Variants in OTULINL observed in about 807,000 individuals in gnomAD.
The protein encoded by OTULINL is inactive ubiquitin thioesterase OTULINL.
Under a neutral mutation model 43.9 loss-of-function variants are expected in OTULINL, and 42 were observed. The observed-to-expected ratio is 0.96, with a 90% CI of 0.75 to 1.24. The LOEUF is 1.24. Among genes scored for constraint, OTULINL ranks in the 50% most tolerant of loss-of-function variants. The pLI, the probability that OTULINL is intolerant of heterozygous loss-of-function variation, is 0.00. For missense variants in OTULINL, 411 were observed against 426.4 expected, an observed-to-expected ratio of 0.96 and a Z score of 0.32; for synonymous variants, 172 against 153.6, an observed-to-expected ratio of 1.12 and a Z score of -0.88.
chr5:14,589,516 G>C (rs1273253626), intron 1 of OTULINL, among the ~76,000 whole-genome samples: 1 of 152,170 alleles, frequency 6.6e-6, no homozygotes, highest in Non-Finnish European at 1.5e-5. Context: ...GTGACCAACT[G>C]TCCCAGCTTG....
At chr5:14,601,810 G>T (rs1044036659) in intron 4 of OTULINL, among the ~76,000 whole-genome samples, 2 of 152,158 alleles carry the variant, frequency 1.3e-5, no homozygotes, top group Non-Finnish European at 1.5e-5. Context: ...ATTTTTATTG[G>T]ACCAATCTTG....
rs2126789575 is a variant in OTULINL at position 14,613,071 on chromosome 5, C to A, written c.*2757C>A. On this transcript the variant is annotated 3_prime_UTR_variant, in exon 8 of 8. Transcript: ENST00000274217. ...CCGAGTAGCCGGGATTACAGGTGCC[C>A]ACCACTACGCTCGACTAATTTTTTG... 6.6e-6 allele frequency among the ~76,000 whole-genome samples: 1 copy of A among 152,236 alleles called. No individual in the cohort carries two copies. The highest frequency in any genetic ancestry group is 1.5e-5 in the Non-Finnish European group (1 of 68,008).
intron 1 of OTULINL, among the ~76,000 whole-genome samples, chr5:14,587,007 G>T (rs1181036181): frequency 6.6e-6 from 1 of 152,192 alleles, no homozygotes; most frequent in African/African-American, 2.4e-5. Context: ...ATGGAGGTGG[G>T]CAGTGGAGCT....
chr5:14,609,470 G>A (rs568413417), intron 7 of OTULINL, among the ~76,000 whole-genome samples: 10 of 152,252 alleles, frequency 6.6e-5, no homozygotes, highest in South Asian at 4.1e-4. Context: ...CCTAGAGGGC[G>A]AACAAAATTA....
At position 14,613,592 on chromosome 5, in the gene OTULINL, G is replaced by T. The variant is rs1759618958; in HGVS notation, c.*3278G>T. ...CTCCAAAGTAAAATGATAACTATGG[G>T]TGGCTTCTGGGCTCAATTTAGAATA... On this transcript the variant is annotated 3_prime_UTR_variant, in exon 8 of 8. Transcript: ENST00000274217. 6.6e-6 allele frequency among the ~76,000 whole-genome samples: 1 copy of T among 152,200 alleles called. No homozygotes were observed. The highest frequency in any genetic ancestry group is 1.5e-5 in the Non-Finnish European group (1 of 68,028).
chr5:14,587,625 C>A (rs748091526), intron 1 of OTULINL, among the ~76,000 whole-genome samples: 8 of 152,254 alleles, frequency 5.3e-5, no homozygotes, highest in Non-Finnish European at 1.2e-4. Context: ...CATATTGATT[C>A]CTTCCTAGGA....
At position 14,601,016 on chromosome 5, in the gene OTULINL, C is replaced by T. The variant is rs540004601; in HGVS notation, c.116C>T (p.Thr39Ile). Reference protein sequence around the residue: ...WMLATSQALDTVWRMAKGFVM... With the variant: ...WMLATSQALDIVWRMAKGFVM... ...CTAGCTACAAGCCAAGCCTTAGACA[C>T]TGTCTGGAGAATGGCAAAAGGCTTT... The change falls in exon 2 of 8, where the codon ACT (threonine) becomes ATT (isoleucine). Residue 39 changes from threonine to isoleucine, a missense_variant. Physicochemically the swap from Thr to Ile is moderately conservative, Grantham distance 89. Coordinates refer to ENST00000274217, the MANE Select transcript of OTULINL (RefSeq NM_019018.3). 133 of 1,607,786 alleles carry T rather than the reference C, an allele frequency of 8.3e-5. 1 individual carries two copies. In the South Asian group the frequency reaches 1.4e-3, roughly 17 times the overall value.
chr5:14,610,328 C>T lies in OTULINL; in HGVS notation c.*14C>T, dbSNP rs111526436. 3,560 of 1,611,412 alleles carry T rather than the reference C, an allele frequency of 2.2e-3. 70 individuals carry two copies. The African/African-American group carries it at 0.04, about 18-fold the overall frequency. On this transcript the variant is annotated 3_prime_UTR_variant, in exon 8 of 8. Transcript: ENST00000274217. Reference sequence around the variant, plus strand: ...CCAGTCTTTTAAGTCCGCTGGGGGCCGAACAGCAGTGCTCACCAGTGACGG... The same window carrying T: ...CCAGTCTTTTAAGTCCGCTGGGGGCTGAACAGCAGTGCTCACCAGTGACGG...
intron 1 of OTULINL, among the ~76,000 whole-genome samples, chr5:14,585,047 G>A (rs796591111): frequency 1.3e-5 from 2 of 152,088 alleles, no homozygotes; most frequent in African/African-American, 4.8e-5. Context: ...CATTCCCTCC[G>A]CATGCACTGC....
At chr5:14,587,566 T>C (rs963060484) in intron 1 of OTULINL, among the ~76,000 whole-genome samples, 5 of 152,244 alleles carry the variant, frequency 3.3e-5, no homozygotes, top group African/African-American at 1.2e-4. Flanking sequence ...ATGATTAATA[T>C]ACATGTTGGG....
chr5:14,595,640 CTTTTTTTTTTTTTTT>C (rs61482298), intron 1 of OTULINL, among the ~76,000 whole-genome samples: 1,715 of 57,288 alleles, frequency 0.03, 63 homozygotes, highest in African/African-American at 0.1. Context: ...AAAAACGGTG[CTTTTTTTTTTTTTTT>C]TTTTTTTTTT....
chr5:14,601,265 ATTTC>A (rs755425845), intron 3 of OTULINL, 21 bp downstream of exon 3: 3 of 1,609,544 alleles, frequency 1.9e-6, no homozygotes, highest in African/African-American at 1.3e-5. Context: ...TCATTCATTT[ATTTC>A]TTTATTTTTA....
In OTULINL at chr5:14,608,805, CT is replaced by C; in HGVS notation, c.691del (p.Ser231GlnfsTer13). The C allele has an allele frequency of 6.2e-7, 1 of 1,613,360 alleles. No individual in the cohort carries two copies. Among genetic ancestry groups the C allele is most frequent in the Non-Finnish European group, 8.5e-7 (1 of 1,179,448 alleles). On this transcript the variant is annotated frameshift_variant, in exon 7 of 8. Coordinates refer to ENST00000274217, the MANE Select transcript of OTULINL (RefSeq NM_019018.3). LOFTEE classifies it high-confidence loss of function. ...CAAGAGAGGAAGTATGTGCAACACC[CT>C]TTTTTCAGATGCCATTCTGGAATAT... ...YHKRGSMCNTLFSDAILEYKL... is the reference protein window; with the variant it reads ...YHKRGSMCNTXFSDAILEYKL...
At position 14,581,951 on chromosome 5, in the gene OTULINL, C is replaced by G; in HGVS notation, c.57C>G (p.Pro19=). The G allele has an allele frequency of 7.4e-7, 1 of 1,358,682 alleles. No individual in the cohort carries two copies. Among genetic ancestry groups the G allele is most frequent in the Non-Finnish European group, 9.5e-7 (1 of 1,056,042 alleles). The allele number at this position is 1,358,682 out of a possible 1,614,324, so 84.2% of individuals were successfully genotyped here. A position where few individuals can be genotyped will look rare whatever the true frequency, so the allele number is the denominator to read the frequency against. ...GGGAGCGGGAGCGGTCTGGCGCTCCCGCCGCAGGTGAGCCTGGGGCCGGGC... is the reference window on the plus strand; with the variant it reads ...GGGAGCGGGAGCGGTCTGGCGCTCCGGCCGCAGGTGAGCCTGGGGCCGGGC... ...RARERERSGA[P]AAGSDQVHSW... is the part of the protein sequence containing the mutation. Residue 19 remains proline (P), a synonymous_variant, in exon 1 of 8, where the codon CCC becomes CCG. Coordinates refer to ENST00000274217, the MANE Select transcript of OTULINL (RefSeq NM_019018.3).
At chr5:14,584,422 C>CT (rs1034159162) in intron 1 of OTULINL, among the ~76,000 whole-genome samples, 1 of 152,062 alleles carries the variant, frequency 6.6e-6, no homozygotes, top group Non-Finnish European at 1.5e-5. Context: ...AGTTGCTCTG[C>CT]TTTTTTTGTT....
chr5:14,586,254 G>A, intron 1 of OTULINL, among the ~76,000 whole-genome samples: 2 of 152,212 alleles, frequency 1.3e-5, no homozygotes, highest in South Asian at 2.1e-4. Context: ...CATTTAAATG[G>A]TGCTTCTAAA....
At chr5:14,606,582 A>G (rs1759481958) in intron 5 of OTULINL, among the ~76,000 whole-genome samples, 1 of 152,230 alleles carries the variant, frequency 6.6e-6, no homozygotes. Context: ...TTGGTATGTT[A>G]CAATGGAGGA....
At chr5:14,598,589 T>G (rs979405914) in intron 1 of OTULINL, among the ~76,000 whole-genome samples, 1 of 152,178 alleles carries the variant, frequency 6.6e-6, no homozygotes, top group Non-Finnish European at 1.5e-5. Flanking sequence ...TCCAAGTGTT[T>G]ATCAATAAGG....
At chr5:14,595,690 C>T (rs147148126) in intron 1 of OTULINL, among the ~76,000 whole-genome samples, 1,387 of 108,338 alleles carry the variant, frequency 0.013, 27 homozygotes, top group African/African-American at 0.045. Context: ...CCAACAGTCT[C>T]ATCTGCCATA....
Sources: allele counts gnomAD v4.1 joint callset (sites outside exome capture counted in the v4.1 genomes callset), GRCh38; gene constraint gnomAD v4.1.1; transcripts MANE v1.5; gene names NCBI Gene and HGNC (gene_info 2026-07-23, HGNC 2026-07-21).